The following PTPN3 variants were observed in gnomAD, a reference collection of about 807,000 sequenced individuals.
PTPN3 encodes the protein protein tyrosine phosphatase non-receptor type 3.
A neutral mutation model predicts 132.7 loss-of-function variants in PTPN3; 96 were observed. The observed-to-expected ratio is 0.72, with a 90% CI of 0.61 to 0.86. The LOEUF (loss-of-function observed/expected upper bound fraction) is 0.86. Ranked by LOEUF, PTPN3 falls within the 40% of genes least tolerant of loss-of-function variation. PTPN3 has a pLI of 0.00. For synonymous variants in PTPN3, 398 were observed against 429.0 expected (o/e 0.93, Z 0.89); for missense variants, 1,125 against 1,159.6 (o/e 0.97, Z 0.43).
rs551930531 is a variant in PTPN3 at position 109,472,146 on chromosome 9, G to A, written c.-17-8695C>T. ...GGATTAGTACTGTTGTCTAAATAGA[G>A]AAGAAAGCAACAGGAAAACTGCCAT... On this transcript the variant is annotated intron_variant, in intron 1 of 25. Transcript: ENST00000374541. Among the ~76,000 whole-genome samples the A allele has an allele frequency of 2.0e-5, 3 of 152,300 alleles. No individual in the cohort carries two copies. In the South Asian group the frequency reaches 6.2e-4, roughly 32 times the overall value.
chr9:109,391,841 A>G (rs1013364658), intron 19 of PTPN3, among the ~76,000 whole-genome samples: 3 of 118,056 alleles, frequency 2.5e-5, no homozygotes, highest in Non-Finnish European at 5.0e-5. Context: ...TATGACAACT[A>G]TTTGACAAGA....
intron 10 of PTPN3, chr9:109,429,034 G>A: frequency 4.1e-6 from 4 of 985,452 alleles, no homozygotes; most frequent in Non-Finnish European, 4.8e-6. Context: ...GCATGGAGCA[G>A]CTGAAAGAGG....
chr9:109,399,704 C>T (rs1239607248), intron 19 of PTPN3, among the ~76,000 whole-genome samples: 1 of 151,570 alleles, frequency 6.6e-6, no homozygotes, highest in Non-Finnish European at 1.5e-5. Context: ...TAGAAACCAG[C>T]TCTCGCAGAA....
chr9:109,448,921 A>T, intron 5 of PTPN3, 66 bp from the exon 6 acceptor site: 1 of 1,557,196 alleles, frequency 6.4e-7, no homozygotes, highest in Non-Finnish European at 8.6e-7. Context: ...AAAAAAAAGA[A>T]AGTTTGATGA....
chr9:109,416,919 A>G (rs1379363136), intron 14 of PTPN3, among the ~76,000 whole-genome samples: 1 of 152,208 alleles, frequency 6.6e-6, no homozygotes, highest in Non-Finnish European at 1.5e-5. Flanking sequence ...TAGCAACCAG[A>G]AAGTTTTTCT....
chr9:109,533,786 G>T, the PTPN3 span: 1 of 1,191,892 alleles, frequency 8.4e-7, no homozygotes, highest in Non-Finnish European at 1.2e-6. Flanking sequence ...GCGTGGTTGA[G>T]CCTGGCCTTG....
chr9:109,454,657 C>T (rs1845468499), intron 4 of PTPN3, 83 bp from the exon 5 acceptor site: 1 of 1,011,236 alleles, frequency 9.9e-7, no homozygotes, highest in Middle Eastern at 2.2e-4. Context: ...ATAAGTGATG[C>T]ATTTTTTCAC....
chr9:109,383,171 G>T, intron 23 of PTPN3: 2 of 558,610 alleles, frequency 3.6e-6, no homozygotes, highest in East Asian at 3.2e-5. Flanking sequence ...ATATTCCATT[G>T]TATGGACAGA....
chr9:109,496,508 T>A (rs1355948738), intron 1 of PTPN3, among the ~76,000 whole-genome samples: 1 of 152,198 alleles, frequency 6.6e-6, no homozygotes, highest in Admixed American at 6.5e-5. Context: ...GCTCAGAGCC[T>A]CCATGTCCTC....
At chr9:109,407,178 T>C (rs1841637008) in intron 17 of PTPN3, among the ~76,000 whole-genome samples, 1 of 152,208 alleles carries the variant, frequency 6.6e-6, no homozygotes. Flanking sequence ...CGTGGTTCAC[T>C]GTAAGGAGGC....
chr9:109,507,790 T>G, the PTPN3 span, among the ~76,000 whole-genome samples: 4 of 152,232 alleles, frequency 2.6e-5, no homozygotes, highest in Admixed American at 2.0e-4. Flanking sequence ...ACTCACTTTA[T>G]GCAGCAGCCA....
chr9:109,437,033 T>TA (rs1844105098), intron 8 of PTPN3, 63 bp from the exon 9 acceptor site: 1 of 1,601,740 alleles, frequency 6.2e-7, no homozygotes, highest in Non-Finnish European at 8.5e-7. Flanking sequence ...ACTCCAATTT[T>TA]AAAAAATCTA....
intron 18 of PTPN3, 114 bp downstream of exon 18, chr9:109,406,348 A>G (rs1018997473): frequency 7.5e-7 from 1 of 1,339,442 alleles, no homozygotes; most frequent in Non-Finnish European, 1.0e-6. Flanking sequence ...AAGATTCTTG[A>G]TTTTCAAATG....
intron 10 of PTPN3, chr9:109,429,034 G>C (rs1001627440): frequency 1.0e-6 from 1 of 985,334 alleles, no homozygotes; most frequent in Non-Finnish European, 1.2e-6. Context: ...GCATGGAGCA[G>C]CTGAAAGAGG....
At chr9:109,387,453 A>G (rs772867692) in intron 22 of PTPN3, among the ~76,000 whole-genome samples, 6 of 152,164 alleles carry the variant, frequency 3.9e-5, no homozygotes, top group Non-Finnish European at 7.3e-5. Flanking sequence ...GGGGCCCCTA[A>G]TGTTGCCCAG....
chr9:109,493,076 CAG>C (rs1847531894), intron 1 of PTPN3, among the ~76,000 whole-genome samples: 1 of 152,136 alleles, frequency 6.6e-6, no homozygotes, highest in Non-Finnish European at 1.5e-5. Flanking sequence ...ACTTTGACAA[CAG>C]ATGATTTGTC....
At chr9:109,522,650 A>T in the PTPN3 span, among the ~76,000 whole-genome samples, 13 of 152,332 alleles carry the variant, frequency 8.5e-5, no homozygotes, top group South Asian at 4.1e-4. Context: ...ACACTACAAC[A>T]TGTAATAACA....
intron 1 of PTPN3, 126 bp from the exon 2 acceptor site, chr9:109,463,577 A>C: frequency 1.3e-6 from 1 of 756,574 alleles, no homozygotes; most frequent in Non-Finnish European, 2.0e-6. Context: ...TGAGAACTAC[A>C]TAGCAGATCA....
At chr9:109,412,666 C>G (rs1042054468) in intron 14 of PTPN3, among the ~76,000 whole-genome samples, 1 of 152,084 alleles carries the variant, frequency 6.6e-6, no homozygotes, top group Non-Finnish European at 1.5e-5. Flanking sequence ...AGCCACCATG[C>G]CCAGCCTTTT....
Sources: allele counts gnomAD v4.1 joint callset (sites outside exome capture counted in the v4.1 genomes callset), GRCh38; gene constraint gnomAD v4.1.1; transcripts MANE v1.5; gene names NCBI Gene and HGNC (gene_info 2026-07-23, HGNC 2026-07-21).